TBL1XR1: variants seen among roughly 807,000 people sequenced by gnomAD.
TBL1XR1 encodes the protein TBL1X/Y related 1.
A neutral mutation model predicts 66.9 loss-of-function variants in TBL1XR1; 5 were observed. That is an observed-to-expected ratio of 0.07 (90% confidence interval 0.04 to 0.16). The LOEUF (loss-of-function observed/expected upper bound fraction) is 0.16, where lower values mean the gene tolerates loss of function less well. TBL1XR1 is among the 10% of genes least tolerant of loss of function. The pLI is 1.00. For synonymous variants in TBL1XR1, 210 were observed against 206.0 expected (o/e 1.02, Z -0.17); for missense variants, 238 against 623.2 (o/e 0.38, Z 6.58).
chr3:177,071,252 A>G (rs990980793), intron 2 of TBL1XR1, among the ~76,000 whole-genome samples: 3 of 152,084 alleles, frequency 2.0e-5, no homozygotes, highest in African/African-American at 7.2e-5. Flanking sequence ...AAAGAGTGGA[A>G]CACATGCTAA....
At chr3:177,144,679 G>A (rs1730034277) in intron 1 of TBL1XR1, among the ~76,000 whole-genome samples, 3 of 152,016 alleles carry the variant, frequency 2.0e-5, no homozygotes, top group Admixed American at 2.0e-4. Context: ...CGTGAACCCA[G>A]GAGGCGGAGC....
intron 2 of TBL1XR1, among the ~76,000 whole-genome samples, chr3:177,082,047 C>T (rs4857815): frequency 0.31 from 47,208 of 151,950 alleles, 7,763 homozygotes; most frequent in East Asian, 0.58. Flanking sequence ...CACACACTTG[C>T]AATTCTACCA....
chr3:177,049,916 G>A lies in TBL1XR1; in HGVS notation c.702+81C>T, dbSNP rs138597653. Reference sequence around the variant, plus strand: ...TAAAACCCCAAATTCTGAACAAATAGACAAACCCTGCCGTGAGTATGAGGC... The same window carrying A: ...TAAAACCCCAAATTCTGAACAAATAAACAAACCCTGCCGTGAGTATGAGGC... On this transcript the variant is annotated intron_variant, in intron 7 of 15. Coordinates refer to ENST00000457928, the MANE Select transcript of TBL1XR1 (RefSeq NM_024665.7). The A allele has an allele frequency of 2.0e-4, 296 of 1,492,026 alleles. 3 individuals are homozygous for A. In the African/African-American group the frequency reaches 3.5e-3, roughly 18 times the overall value. The allele number at this position is 1,492,026 out of a possible 1,614,324, so 92.4% of individuals were successfully genotyped here. A position where few individuals can be genotyped will look rare whatever the true frequency, so the allele number is the denominator to read the frequency against.
intron 1 of TBL1XR1, among the ~76,000 whole-genome samples, chr3:177,186,582 A>G (rs1346458328): frequency 3.3e-5 from 5 of 152,186 alleles, no homozygotes; most frequent in Non-Finnish European, 5.9e-5. Context: ...GGAAGAGAAT[A>G]AAACATCTCT....
intron 1 of TBL1XR1, among the ~76,000 whole-genome samples, chr3:177,115,260 CTG>C (rs1726171536): frequency 6.6e-6 from 1 of 152,048 alleles, no homozygotes; most frequent in South Asian, 2.1e-4. Context: ...ATGGATGTAA[CTG>C]TTAAAAAAAC....
chr3:177,146,673 C>T lies in TBL1XR1; in HGVS notation c.-121-48132G>A, dbSNP rs566131176. Among the ~76,000 whole-genome samples the T allele has an allele frequency of 2.5e-3, 374 of 150,076 alleles. 2 individuals carry two copies. The highest frequency in any genetic ancestry group is 8.5e-3 in the African/African-American group (347 of 40,918). On this transcript the variant is annotated intron_variant, in intron 1 of 15. Transcript: ENST00000457928. ...TTCTAAATAACAGGAAGCTATCAAG[C>T]TCACAGTATCTAATAATTTTCCAAA...
intron 1 of TBL1XR1, among the ~76,000 whole-genome samples, chr3:177,098,914 T>C (rs749267327): frequency 4.6e-5 from 7 of 152,244 alleles, no homozygotes; most frequent in African/African-American, 1.7e-4. Flanking sequence ...GCATTCTATA[T>C]TGTTTAATAA....
chr3:177,160,049 T>C (rs917458174), intron 1 of TBL1XR1, among the ~76,000 whole-genome samples: 2 of 152,118 alleles, frequency 1.3e-5, no homozygotes, highest in African/African-American at 4.8e-5. Context: ...GCACATTACT[T>C]AATCCAATAA....
chr3:177,064,673 G>A (rs1718932800), intron 3 of TBL1XR1, among the ~76,000 whole-genome samples: 1 of 152,062 alleles, frequency 6.6e-6, no homozygotes, highest in African/African-American at 2.4e-5. Context: ...CCTCATAACA[G>A]ATTATAAAAA....
intron 3 of TBL1XR1, among the ~76,000 whole-genome samples, chr3:177,061,425 T>A (rs1261095822): frequency 6.6e-6 from 1 of 152,194 alleles, no homozygotes; most frequent in Non-Finnish European, 1.5e-5. Flanking sequence ...ATGTTAAAAG[T>A]TCTTACATAA....
rs1577258264 is a variant in TBL1XR1, at chr3:177,131,546, C to T, written c.-121-33005G>A. 14 of 293,014 alleles carry T rather than the reference C, an allele frequency of 4.8e-5. No individual in the cohort carries two copies. In the South Asian group the frequency reaches 1.9e-3, roughly 39 times the overall value. 18.2% of individuals were successfully genotyped at this position (293,014 alleles called of 1,614,324 possible). A position where few individuals can be genotyped will look rare whatever the true frequency, so the allele number is the denominator to read the frequency against. On this transcript the variant is annotated intron_variant, in intron 1 of 15. Coordinates refer to ENST00000457928, the MANE Select transcript of TBL1XR1 (RefSeq NM_024665.7). Reference sequence around the variant, plus strand: ...TTTTTTTTGAGACAGAGTCTCACTCCGTTGCCCAGGCTGGAGTGCAGTGGC... The same window carrying T: ...TTTTTTTTGAGACAGAGTCTCACTCTGTTGCCCAGGCTGGAGTGCAGTGGC...
intron 14 of TBL1XR1, among the ~76,000 whole-genome samples, chr3:177,028,907 T>C (rs1031722934): frequency 6.6e-6 from 1 of 151,978 alleles, no homozygotes. Context: ...ATGAACTAGG[T>C]ATATGAAACC....
chr3:177,183,885 C>A (rs1329302107), intron 1 of TBL1XR1, among the ~76,000 whole-genome samples: 1 of 151,954 alleles, frequency 6.6e-6, no homozygotes, highest in Non-Finnish European at 1.5e-5. Flanking sequence ...GGTGGATCAC[C>A]TGAAGTCAGG....
At chr3:177,057,201 A>G (rs1233721701) in intron 3 of TBL1XR1, among the ~76,000 whole-genome samples, 1 of 152,212 alleles carries the variant, frequency 6.6e-6, no homozygotes, top group Admixed American at 6.5e-5. Flanking sequence ...CATGCCTCTG[A>G]GCCTTATGTC....
At chr3:177,076,399 T>C (rs1172400065) in intron 2 of TBL1XR1, among the ~76,000 whole-genome samples, 3 of 152,222 alleles carry the variant, frequency 2.0e-5, no homozygotes, top group African/African-American at 4.8e-5. Context: ...TTCTCTTTTT[T>C]ATAAGGACTC....
At chr3:177,188,223 C>T (rs1735685031) in intron 1 of TBL1XR1, among the ~76,000 whole-genome samples, 1 of 152,056 alleles carries the variant, frequency 6.6e-6, no homozygotes, top group Non-Finnish European at 1.5e-5. Context: ...AGCCACCGTG[C>T]CCGGCCCAGA....
At chr3:177,194,557 G>A (rs1018817560) in intron 1 of TBL1XR1, among the ~76,000 whole-genome samples, 8 of 152,134 alleles carry the variant, frequency 5.3e-5, no homozygotes, top group African/African-American at 1.9e-4. Context: ...GCTACAAGTT[G>A]TACTAGGGAG....
intron 1 of TBL1XR1, among the ~76,000 whole-genome samples, chr3:177,115,065 T>C (rs903429496): frequency 1.3e-5 from 2 of 152,104 alleles, no homozygotes; most frequent in Admixed American, 6.5e-5. Context: ...TACATCCATA[T>C]TGTCTTACTG....
At chr3:177,162,961 C>G (rs757761598) in intron 1 of TBL1XR1, among the ~76,000 whole-genome samples, 2 of 152,230 alleles carry the variant, frequency 1.3e-5, no homozygotes, top group Non-Finnish European at 2.9e-5. Context: ...TAAACCGGTA[C>G]AGCCTCTGTG....
Sources: allele counts gnomAD v4.1 joint callset (sites outside exome capture counted in the v4.1 genomes callset), GRCh38; gene constraint gnomAD v4.1.1; transcripts MANE v1.5; gene names NCBI Gene and HGNC (gene_info 2026-07-23, HGNC 2026-07-21).